Variants in PEG3 observed in about 807,000 individuals in gnomAD.
PEG3 encodes the protein paternally expressed 3, also known as paternally-expressed gene 3 protein.
Under a neutral mutation model 35.5 loss-of-function variants are expected in PEG3, and 23 were observed. The observed-to-expected ratio is 0.65, with a 90% CI of 0.47 to 0.92. The LOEUF (loss-of-function observed/expected upper bound fraction) is 0.92, where lower values mean the gene tolerates loss of function less well. Among genes scored for constraint, PEG3 ranks in the 40% least tolerant of loss-of-function variants. The pLI is 0.00. For synonymous variants in PEG3, 707 were observed against 697.0 expected (o/e 1.01, Z -0.23); for missense variants, 1,960 against 1,985.3 (o/e 0.99, Z 0.24).
rs560114002 is a variant in PEG3, at chr19:56,815,740, C to A, written c.2702G>T (p.Arg901Leu). ...YEDSVIQSVF[R>L]AKPQKSVPGE... ...AGGAACACTTTTCTGAGGTTTGGCACGGAATACACTCTGTATGACAGAGTC... is the reference window on the plus strand; with the variant it reads ...AGGAACACTTTTCTGAGGTTTGGCAAGGAATACACTCTGTATGACAGAGTC... Residue 901 changes from arginine to leucine, a missense_variant, in exon 10 of 10, where the codon CGT becomes CTT. Arg to Leu is a moderately radical substitution (Grantham distance 102, BLOSUM62 -2). Around this residue, in one of 5 missense-constraint regions of PEG3, gnomAD observed 798 missense variants for 782.4 expected, o/e 1.02. Coordinates refer to ENST00000326441, the MANE Select transcript of PEG3 (RefSeq NM_006210.3). The A allele has an allele frequency of 2.5e-6, 4 of 1,614,020 alleles. No homozygotes were observed. In the Admixed American group the frequency reaches 5.0e-5, roughly 20 times the overall value.
intron 6 of PEG3, 147 bp from the exon 7 acceptor site, chr19:56,821,901 G>T: frequency 2.4e-6 from 2 of 838,610 alleles, no homozygotes; most frequent in Non-Finnish European, 1.9e-6. Context: ...GGCAGCCTCT[G>T]AGGAGTCCCA....
intron 2 of PEG3, among the ~76,000 whole-genome samples, chr19:56,830,005 T>A (rs58800759): frequency 0.013 from 1,963 of 152,304 alleles, 47 homozygotes; most frequent in African/African-American, 0.045. Flanking sequence ...AAATGAAATA[T>A]TAAAGCTGAG....
chr19:56,815,002 G>A lies in PEG3; in HGVS notation c.3440C>T (p.Thr1147Ile), dbSNP rs149202084. The change falls in exon 10 of 10, where the codon ACC becomes ATC. Residue 1147 changes from threonine to isoleucine, a missense_variant. Thr to Ile is a moderately conservative substitution (Grantham distance 89, BLOSUM62 -1). Coordinates refer to ENST00000326441, the MANE Select transcript of PEG3 (RefSeq NM_006210.3). ...SREYTHSVIHTHSISEYQRDY... is the reference protein window; with the variant it reads ...SREYTHSVIHIHSISEYQRDY... ...TCTCTGATACTCGCTGATGGAATGGGTGTGAATTACAGAATGTGTGTACTC... is the reference window on the plus strand; with the variant it reads ...TCTCTGATACTCGCTGATGGAATGGATGTGAATTACAGAATGTGTGTACTC... The A allele has an allele frequency of 2.2e-5, 36 of 1,614,162 alleles. No homozygotes were observed. The African/African-American group carries it at 3.6e-4, about 16-fold the overall frequency.
rs755601103 is a variant in PEG3 at position 56,817,574 on chromosome 19, T to C, written c.868A>G (p.Lys290Glu). ...GATTTTTTGGCTTCAGGCATAGTTTTTAGACCTGGAAAGAAACCCCAAATG... is the reference window on the plus strand; with the variant it reads ...GATTTTTTGGCTTCAGGCATAGTTTCTAGACCTGGAAAGAAACCCCAAATG... Reference protein sequence around the residue: ...SAYPSTSRGLKTMPEAKKSTH... With the variant: ...SAYPSTSRGLETMPEAKKSTH... The change falls in exon 10 of 10, where the codon AAA (lysine) becomes GAA (glutamate). Residue 290 changes from lysine to glutamate, a missense_variant. Transcript: ENST00000326441. The C allele has an allele frequency of 6.3e-7, 1 of 1,586,330 alleles. No individual in the cohort carries two copies. The highest frequency in any genetic ancestry group is 1.4e-5 in the African/African-American group (1 of 74,052).
At position 56,816,667 on chromosome 19, in the gene PEG3, T is replaced by C. The variant is rs1170026120; in HGVS notation, c.1775A>G (p.Asn592Ser). 1 of 1,614,050 alleles carries C rather than the reference T, an allele frequency of 6.2e-7. No individual in the cohort carries two copies. The highest frequency in any genetic ancestry group is 1.7e-5 in the Admixed American group (1 of 60,022). The change falls in exon 10 of 10, where the codon AAT (asparagine) becomes AGT (serine). Residue 592 changes from asparagine (N) to serine (S), a missense_variant. By Grantham distance (46) the Asn-to-Ser change is conservative. Around this residue, in one of 5 missense-constraint regions of PEG3, gnomAD observed 798 missense variants for 782.4 expected, o/e 1.02. Transcript: ENST00000326441. ...ACGTTCACGTTCATGTTCACGCTCATTATCTTTGTCATCCCCAAAGTGGAT... is the reference window on the plus strand; with the variant it reads ...ACGTTCACGTTCATGTTCACGCTCACTATCTTTGTCATCCCCAAAGTGGAT... Reference protein sequence around the residue: ...QKIHFGDDKDNEREHERERER... With the variant: ...QKIHFGDDKDSEREHERERER...
intron 4 of PEG3, 122 bp downstream of exon 4, chr19:56,824,140 C>G: frequency 6.8e-7 from 1 of 1,472,450 alleles, no homozygotes; most frequent in Non-Finnish European, 9.1e-7. Flanking sequence ...CACAGGACAT[C>G]CCCACCGCTG....
Position 56,812,937 on chromosome 19 carries a change from A to G in PEG3, c.*738T>C. On this transcript the variant is annotated 3_prime_UTR_variant, in exon 10 of 10. Coordinates refer to ENST00000326441, the MANE Select transcript of PEG3 (RefSeq NM_006210.3). Reference sequence around the variant, plus strand: ...CACAAAAAGCCAATCCGTATATTGTAAAGCCTTACACAGTATTAGGTTCCA... The same window carrying G: ...CACAAAAAGCCAATCCGTATATTGTGAAGCCTTACACAGTATTAGGTTCCA... 1.0e-6 allele frequency: 1 copy of G among 985,816 alleles called. No individual in the cohort carries two copies. Among genetic ancestry groups the G allele is most frequent in the Non-Finnish European group, 1.2e-6 (1 of 829,878 alleles). 61.1% of individuals were successfully genotyped at this position (985,816 alleles called of 1,614,324 possible).
At position 56,822,740 on chromosome 19, in the gene PEG3, G is replaced by A; in HGVS notation, c.565+13C>T. 1 of 1,613,768 alleles carries A rather than the reference G, an allele frequency of 6.2e-7. No homozygotes were observed. Among genetic ancestry groups the A allele is most frequent in the East Asian group, 2.2e-5 (1 of 44,870 alleles). ...TATATCTCCTACTGGGAAAGAAAGT[G>A]GTTAAGACTCACTGCTTCTTGGGTT... On this transcript the variant is annotated intron_variant, in intron 6 of 9. Transcript: ENST00000326441.
chr19:56,839,985 C>T (rs1208052360), intron 1 of PEG3, among the ~76,000 whole-genome samples: 1 of 152,230 alleles, frequency 6.6e-6, no homozygotes, highest in Non-Finnish European at 1.5e-5. Context: ...CCCCTACAGG[C>T]AGGACAGCCC....
chr19:56,840,683 C>T lies in PEG3; in HGVS notation c.-351G>A, dbSNP rs2302376. Reference sequence around the variant, plus strand: ...CCACCAGCCCAGGGTGGACATCTCCCGCGCCTCCCAAACCTCTCCTCCCGC... The same window carrying T: ...CCACCAGCCCAGGGTGGACATCTCCTGCGCCTCCCAAACCTCTCCTCCCGC... On this transcript the variant is annotated 5_prime_UTR_variant, in exon 1 of 10. Transcript: ENST00000326441. 34,703 of 152,740 alleles carry T rather than the reference C, an allele frequency of 0.23. 4,862 individuals carry two copies. The highest frequency in any genetic ancestry group is 0.34 in the Admixed American group (5,159 of 15,316). 9.5% of individuals were successfully genotyped at this position (152,740 alleles called of 1,614,324 possible).
Position 56,812,605 on chromosome 19 carries a change from G to A in PEG3, c.*1070C>T. 1 of 985,712 alleles carries A rather than the reference G, an allele frequency of 1.0e-6. No individual in the cohort carries two copies. Among genetic ancestry groups the A allele is most frequent in the Non-Finnish European group, 1.2e-6 (1 of 829,886 alleles). 61.1% of individuals were successfully genotyped at this position (985,712 alleles called of 1,614,324 possible). A position where few individuals can be genotyped will look rare whatever the true frequency, so the allele number is the denominator to read the frequency against. On this transcript the variant is annotated 3_prime_UTR_variant, in exon 10 of 10. Coordinates refer to ENST00000326441, the MANE Select transcript of PEG3 (RefSeq NM_006210.3). ...AGCCATGTTGCTACTTGTCACTTAA[G>A]GCAGGAAGCGCACAAAGGAAGTGAT...
chr19:56,823,562 T>C (rs372143841), intron 5 of PEG3, 31 bp downstream of exon 5: 2 of 1,613,116 alleles, frequency 1.2e-6, no homozygotes, highest in Non-Finnish European at 1.7e-6. Flanking sequence ...CGCCTGCCCA[T>C]GGGTGACCAG....
At position 56,824,453 on chromosome 19, in the gene PEG3, C is replaced by A; in HGVS notation, c.203G>T (p.Arg68Leu). 6.2e-6 allele frequency: 10 copies of A among 1,614,080 alleles called. No homozygotes were observed. The highest frequency in any genetic ancestry group is 8.5e-6 in the Non-Finnish European group (10 of 1,180,030). Residue 68 changes from arginine (R) to leucine (L), a missense_variant, in exon 4 of 10, where the codon CGA becomes CTA. Transcript: ENST00000326441. ...CTGCAACCAATCGAGGCAGAGGTTTCGGAGTTTGATCAGGGTCTTCCGAGG... is the reference window on the plus strand; with the variant it reads ...CTGCAACCAATCGAGGCAGAGGTTTAGGAGTTTGATCAGGGTCTTCCGAGG... ...VGPRKTLIKLRNLCLDWLQPE... is the reference protein window; with the variant it reads ...VGPRKTLIKLLNLCLDWLQPE...
Position 56,814,807 on chromosome 19 carries a change from C to T in PEG3, c.3635G>A (p.Arg1212His), listed in dbSNP as rs781680620. 1.3e-5 allele frequency: 21 copies of T among 1,614,072 alleles called. No individual in the cohort carries two copies. The highest frequency in any genetic ancestry group is 1.6e-4 in the Middle Eastern group (1 of 6,084). ...AAGAGCAGGATTCCTCTCTGCAGCA[C>T]GATTCCTCCGTGGCTTCATGGGCAA... Reference protein sequence around the residue: ...ALLPMKPRRNRAAERNPALAG... With the variant: ...ALLPMKPRRNHAAERNPALAG... Residue 1212 changes from arginine (R) to histidine (H), a missense_variant, in exon 10 of 10, where the codon CGT becomes CAT. Arg to His is a conservative substitution (Grantham distance 29). Coordinates refer to ENST00000326441, the MANE Select transcript of PEG3 (RefSeq NM_006210.3). The surrounding 1 kb of genome is among the most constrained non-coding windows in gnomAD (Gnocchi z 5.8).
chr19:56,811,139 A>T lies in PEG3; in HGVS notation c.*2536T>A, dbSNP rs200173182. On this transcript the variant is annotated 3_prime_UTR_variant, in exon 10 of 10. Coordinates refer to ENST00000326441, the MANE Select transcript of PEG3 (RefSeq NM_006210.3). ...CTTTTCTGTATTTTCCAAGTGTGTG[A>T]TAATGAGTTCAAATTATGTTCACAA... 2.1e-5 allele frequency: 21 copies of T among 982,284 alleles called. No individual in the cohort carries two copies. In the East Asian group the frequency reaches 2.4e-3, roughly 111 times the overall value. The allele number at this position is 982,284 out of a possible 1,614,324, so 60.8% of individuals were successfully genotyped here.
intron 1 of PEG3, among the ~76,000 whole-genome samples, chr19:56,836,858 C>T (rs2062168151): frequency 6.6e-6 from 1 of 151,470 alleles, no homozygotes; most frequent in Non-Finnish European, 1.5e-5. Flanking sequence ...TTCCCAGCTA[C>T]TCTGAAGAGG....
At chr19:56,834,595 G>GT in intron 2 of PEG3, among the ~76,000 whole-genome samples, 1 of 152,206 alleles carries the variant, frequency 6.6e-6, no homozygotes, top group Non-Finnish European at 1.5e-5. Flanking sequence ...TGTCAGTACG[G>GT]TTTTAAGTCT....
Position 56,816,749 on chromosome 19 carries a change from A to T in PEG3, c.1693T>A (p.Cys565Ser), listed in dbSNP as rs1277415408. Residue 565 changes from cysteine to serine, a missense_variant, in exon 10 of 10, where the codon TGC becomes AGC. Around this residue, in one of 5 missense-constraint regions of PEG3, gnomAD observed 798 missense variants for 782.4 expected, o/e 1.02. Coordinates refer to ENST00000326441, the MANE Select transcript of PEG3 (RefSeq NM_006210.3). ...KIYGKDKFYE[C>S]RVCKETFLHS... ...AGGAAGGTTTCCTTACACACCCTGC[A>T]CTCGTAGAATTTGTCTTTGCCATAT... The T allele has an allele frequency of 1.9e-6, 3 of 1,614,000 alleles. No homozygotes were observed.
intron 1 of PEG3, among the ~76,000 whole-genome samples, chr19:56,839,715 G>A (rs2062744436): frequency 6.6e-6 from 1 of 151,492 alleles, no homozygotes; most frequent in African/African-American, 2.4e-5. Context: ...TACATCCAAT[G>A]CAACCCACAG....
Sources: gnomAD v4.1 joint callset for allele counts (sites outside exome capture counted in the v4.1 genomes callset) on GRCh38, gnomAD v4.1.1 for gene constraint, gnomAD v4.1.1 regional missense constraint, Gnocchi (gnomAD v3.1) non-coding constraint, MANE v1.5 for transcripts, NCBI Gene and HGNC (gene_info 2026-07-23, HGNC 2026-07-21) for gene names.